The following TTBK1 variants were observed in gnomAD, a reference collection of about 807,000 sequenced individuals.
TTBK1 encodes the protein tau tubulin kinase 1.
TTBK1 carries 34 observed loss-of-function variants against 108.5 expected under a neutral mutation model. The ratio of observed to expected loss-of-function variants is 0.31; its 90% CI spans 0.24 to 0.42. TTBK1 has a LOEUF of 0.42. Among genes scored for constraint, TTBK1 ranks in the 10% least tolerant of loss-of-function variants. The pLI, the probability that TTBK1 is intolerant of heterozygous loss-of-function variation, is 1.00. For synonymous variants in TTBK1, 809 were observed against 795.1 expected (o/e 1.02, Z -0.29); for missense variants, 1,539 against 1,826.0 (o/e 0.84, Z 2.86).
In TTBK1 at chr6:43,269,369, A is replaced by G. The variant is rs1777762831; in HGVS notation, c.1986+6019A>G. Among the ~76,000 whole-genome samples the G allele has an allele frequency of 6.6e-6, 1 of 152,204 alleles. No individual in the cohort carries two copies. The highest frequency in any genetic ancestry group is 1.5e-5 in the Non-Finnish European group (1 of 68,036). On this transcript the variant is annotated intron_variant, in intron 13 of 14. Coordinates refer to ENST00000259750, the MANE Select transcript of TTBK1 (RefSeq NM_032538.3). This position sits in a 1 kb window ranked among gnomAD's most constrained non-coding sequence, Gnocchi z 4.8. ...GGACTAAGCCAGGAAGGCTTCTCGG[A>G]GGAGGTGAGTGACCATGGTCTCCTT...
At position 43,269,850 on chromosome 6, in the gene TTBK1, G is replaced by A. The variant is rs1463314680; in HGVS notation, c.1986+6500G>A. ...TGTGCGGGCGCCCCACCGGCGCCAC[G>A]CGCCCCTCGCTGCTGGCAACCACAG... On this transcript the variant is annotated intron_variant, in intron 13 of 14. Transcript: ENST00000259750. This position sits in a 1 kb window ranked among gnomAD's most constrained non-coding sequence, Gnocchi z 4.8. 6.5e-7 allele frequency: 1 copy of A among 1,534,020 alleles called. No individual in the cohort carries two copies. The highest frequency in any genetic ancestry group is 8.7e-7 in the Non-Finnish European group (1 of 1,145,580).
At chr6:43,246,861 A>G (rs1352569203) in intron 2 of TTBK1, 93 bp downstream of exon 2, 1 of 958,314 alleles carries the variant, frequency 1.0e-6, no homozygotes, top group Non-Finnish European at 1.6e-6. Flanking sequence ...CCGCTCCCCT[A>G]CCCTAAGAGG....
chr6:43,252,115 C>A (rs966112303), intron 2 of TTBK1, among the ~76,000 whole-genome samples: 2 of 151,968 alleles, frequency 1.3e-5, no homozygotes, highest in Non-Finnish European at 2.9e-5. Context: ...TCCTCAGAAT[C>A]CTACATTAGG....
intron 13 of TTBK1, among the ~76,000 whole-genome samples, chr6:43,274,862 C>G (rs551746255): frequency 5.3e-5 from 8 of 152,250 alleles, no homozygotes; most frequent in Non-Finnish European, 8.8e-5. Flanking sequence ...TGAGTGCCCG[C>G]TTCCTCCAAA....
In TTBK1 at chr6:43,252,901, C is replaced by A; in HGVS notation, c.256+15C>A. ...GAAGTTGCAAGGTTCGGGCCTCGGG[C>A]AGGGGGATGGGAAGGAAGAGATGAT... On this transcript the variant is annotated intron_variant, in intron 3 of 14. Transcript: ENST00000259750. The A allele has an allele frequency of 1.2e-6, 2 of 1,612,050 alleles. No homozygotes were observed. Among genetic ancestry groups the A allele is most frequent in the South Asian group, 2.2e-5 (2 of 91,026 alleles).
In TTBK1 at chr6:43,257,451, GGGCAGTCTGTGC is replaced by G. The variant is rs1777411321; in HGVS notation, c.862-360_862-349del. 2.6e-5 allele frequency among the ~76,000 whole-genome samples: 4 copies of G among 152,094 alleles called. No homozygotes were observed. In the South Asian group the frequency reaches 8.3e-4, roughly 32 times the overall value. On this transcript the variant is annotated intron_variant, in intron 9 of 14. Transcript: ENST00000259750. The surrounding 1 kb of genome is among the most constrained non-coding windows in gnomAD (Gnocchi z 4.5). ...GAGTGGGAGGGGCGCCCCAGCAGAG[GGGCAGTCTGTGC>G]AGAGGCAGCACCCCATGCATGGGTT...
chr6:43,271,827 A>G (rs1777842304), intron 13 of TTBK1: 4 of 984,742 alleles, frequency 4.1e-6, no homozygotes, highest in Middle Eastern at 5.2e-4. Flanking sequence ...CACCTTCTCC[A>G]TCTGGCAACA....
rs200645665 is a variant in TTBK1 at position 43,282,782 on chromosome 6, T to C, written c.2042T>C (p.Leu681Pro). 9.3e-6 allele frequency: 15 copies of C among 1,613,714 alleles called. No individual in the cohort carries two copies. Among genetic ancestry groups the C allele is most frequent in the Admixed American group, 1.7e-5 (1 of 59,934 alleles). The change falls in exon 14 of 15, where the codon CTG becomes CCG. Residue 681 changes from leucine to proline, a missense_variant. Leu to Pro is a moderately conservative substitution (Grantham distance 98). Around this residue, in one of 5 missense-constraint regions of TTBK1, gnomAD observed 1,055 missense variants for 1,086.5 expected, o/e 0.97. Transcript: ENST00000259750. The surrounding 1 kb of genome is among the most constrained non-coding windows in gnomAD (Gnocchi z 5.4). ...EVNGLPRAVP[L>P]SLPYQDFKRD... is the part of the protein sequence containing the mutation. Reference sequence around the variant, plus strand: ...AATGGCCTCCCACGAGCTGTGCCTCTGAGTCTGCCCTACCAGGACTTCAAA... The same window carrying C: ...AATGGCCTCCCACGAGCTGTGCCTCCGAGTCTGCCCTACCAGGACTTCAAA...
Position 43,259,403 on chromosome 6 carries a change from G to C in TTBK1, c.1249-128G>C. The C allele has an allele frequency of 7.7e-7, 1 of 1,296,254 alleles. No individual in the cohort carries two copies. Among genetic ancestry groups the C allele is most frequent in the Non-Finnish European group, 1.0e-6 (1 of 953,002 alleles). The allele number at this position is 1,296,254 out of a possible 1,614,324, so 80.3% of individuals were successfully genotyped here. On this transcript the variant is annotated intron_variant, in intron 11 of 14. Transcript: ENST00000259750. This position sits in a 1 kb window ranked among gnomAD's most constrained non-coding sequence, Gnocchi z 6.7. ...CCTGCTTGCCCTGCCTCTGTTTCCC[G>C]GTCCCTCCCCGCACTAGCCTCGCTG...
rs1446385625 is a variant in TTBK1 at position 43,273,385 on chromosome 6, G to A, written c.1987-9342G>A. On this transcript the variant is annotated intron_variant, in intron 13 of 14. Coordinates refer to ENST00000259750, the MANE Select transcript of TTBK1 (RefSeq NM_032538.3). The surrounding 1 kb of genome is among the most constrained non-coding windows in gnomAD (Gnocchi z 4.2). ...CAGATGGGAGTCACTCCAGAGTACT[G>A]GGGTTGGTTAAAATGGCTGGACCCT... Among the ~76,000 whole-genome samples, 2 of 152,168 alleles carry A rather than the reference G, an allele frequency of 1.3e-5. No homozygotes were observed. The highest frequency in any genetic ancestry group is 4.1e-4 in the South Asian group (2 of 4,828).
rs1043482359 is a variant in TTBK1 at position 43,285,277 on chromosome 6, C to T, written c.3867C>T (p.Pro1289=). 6.2e-6 allele frequency: 8 copies of T among 1,292,448 alleles called. No individual in the cohort carries two copies. Among genetic ancestry groups the T allele is most frequent in the Middle Eastern group, 2.0e-4 (1 of 4,920 alleles). 80.1% of individuals were successfully genotyped at this position (1,292,448 alleles called of 1,614,324 possible). A position where few individuals can be genotyped will look rare whatever the true frequency, so the allele number is the denominator to read the frequency against. Residue 1289 remains proline (P), a synonymous_variant, in exon 15 of 15, where the codon CCC becomes CCT. Coordinates refer to ENST00000259750, the MANE Select transcript of TTBK1 (RefSeq NM_032538.3). This position sits in a 1 kb window ranked among gnomAD's most constrained non-coding sequence, Gnocchi z 4.7. Reference sequence around the variant, plus strand: ...CCCAGCCTGATGGCACCCCCTCCCCCGGGGGCTCCAAGAAAGGACCCAGAG... The same window carrying T: ...CCCAGCCTGATGGCACCCCCTCCCCTGGGGGCTCCAAGAAAGGACCCAGAG... ...ARAQPDGTPS[P]GGSKKGPRGK... is the part of the protein sequence containing the mutation.
At chr6:43,246,143 G>T (rs565164271) in intron 1 of TTBK1, among the ~76,000 whole-genome samples, 2 of 152,292 alleles carry the variant, frequency 1.3e-5, no homozygotes, top group East Asian at 3.9e-4. Flanking sequence ...TTTGGTGTGG[G>T]TGTCCCATGG....
In TTBK1 at chr6:43,285,044, C is replaced by T. The variant is rs1223613620; in HGVS notation, c.3634C>T (p.Pro1212Ser). The change falls in exon 15 of 15, where the codon CCT becomes TCT. Residue 1212 changes from proline (P) to serine (S), a missense_variant. By Grantham distance (74) the Pro-to-Ser change is moderately conservative. This residue lies in a region of TTBK1 where 1,055 missense variants were observed against 1,086.5 expected (regional missense o/e 0.97). Coordinates refer to ENST00000259750, the MANE Select transcript of TTBK1 (RefSeq NM_032538.3). This position sits in a 1 kb window ranked among gnomAD's most constrained non-coding sequence, Gnocchi z 4.7. The part of the protein sequence containing the change: ...TAADLRPKQP[P>S]GRGLGPGRAQ... ...TGCTGACCTCCGCCCCAAACAACCT[C>T]CTGGCCGCGGCCTGGGCCCAGGGCG... The T allele has an allele frequency of 1.3e-6, 2 of 1,512,584 alleles. No homozygotes were observed. The highest frequency in any genetic ancestry group is 1.8e-6 in the Non-Finnish European group (2 of 1,136,950). 93.7% of individuals were successfully genotyped at this position (1,512,584 alleles called of 1,614,324 possible). A position where few individuals can be genotyped will look rare whatever the true frequency, so the allele number is the denominator to read the frequency against.
chr6:43,270,714 G>A, intron 13 of TTBK1: 1 of 985,400 alleles, frequency 1.0e-6, no homozygotes, highest in Non-Finnish European at 1.2e-6. Context: ...CAGGAACTGA[G>A]GATGGATGAG....
At position 43,284,075 on chromosome 6, in the gene TTBK1, C is replaced by T. The variant is rs1307650767; in HGVS notation, c.3335C>T (p.Ser1112Phe). Residue 1112 changes from serine (S) to phenylalanine (F), a missense_variant, in exon 14 of 15, where the codon TCC (serine) becomes TTC (phenylalanine). By Grantham distance (155) the Ser-to-Phe change is radical. Coordinates refer to ENST00000259750, the MANE Select transcript of TTBK1 (RefSeq NM_032538.3). Reference protein sequence around the residue: ...LLRLASGASSSSSEEQRRASE... With the variant: ...LLRLASGASSFSSEEQRRASE... ...CGGCTGGCCTCAGGGGCCTCGTCCT[C>T]CTCCAGTGAGGAGCAGCGCCGTGCC... is the stretch of plus-strand genomic sequence containing the variant. The T allele has an allele frequency of 7.8e-6, 12 of 1,540,392 alleles. No individual in the cohort carries two copies. The highest frequency in any genetic ancestry group is 1.4e-5 in the African/African-American group (1 of 73,000).
chr6:43,272,843 G>A (rs566931853), intron 13 of TTBK1, among the ~76,000 whole-genome samples: 1 of 152,278 alleles, frequency 6.6e-6, no homozygotes, highest in African/African-American at 2.4e-5. Flanking sequence ...CCCAAGAGAA[G>A]GCCAGAATGT....
chr6:43,280,082 T>C (rs996232942), intron 13 of TTBK1, among the ~76,000 whole-genome samples: 1 of 138,960 alleles, frequency 7.2e-6, no homozygotes, highest in Non-Finnish European at 1.7e-5. Context: ...CAAACAGGGT[T>C]GCTGGGGTCC....
Position 43,259,400 on chromosome 6 carries a change from C to A in TTBK1, c.1248+131C>A. The A allele has an allele frequency of 7.8e-7, 1 of 1,289,038 alleles. No individual in the cohort carries two copies. The highest frequency in any genetic ancestry group is 1.5e-5 in the South Asian group (1 of 66,154). The allele number at this position is 1,289,038 out of a possible 1,614,324, so 79.9% of individuals were successfully genotyped here. A position where few individuals can be genotyped will look rare whatever the true frequency, so the allele number is the denominator to read the frequency against. On this transcript the variant is annotated intron_variant, in intron 11 of 14. Transcript: ENST00000259750. This position sits in a 1 kb window ranked among gnomAD's most constrained non-coding sequence, Gnocchi z 6.7. The stretch of plus-strand genomic sequence containing the variant: ...CTGCCTGCTTGCCCTGCCTCTGTTT[C>A]CCGGTCCCTCCCCGCACTAGCCTCG...
rs1777419599 is a variant in TTBK1, at chr6:43,257,851, G to A, written c.901G>A (p.Gly301Ser). The change falls in exon 10 of 15, where the codon GGC becomes AGC. Residue 301 changes from glycine to serine, a missense_variant. Physicochemically the swap from Gly to Ser is moderately conservative, Grantham distance 56. Transcript: ENST00000259750. This position sits in a 1 kb window ranked among gnomAD's most constrained non-coding sequence, Gnocchi z 4.5. ...GTTTGAGAACAGCATGAAGGAGAGG[G>A]GCATTGCCGAGAATGAGGCCTTTGA... ...SVFENSMKER[G>S]IAENEAFDWE... The A allele has an allele frequency of 6.2e-7, 1 of 1,613,888 alleles. No individual in the cohort carries two copies. Among genetic ancestry groups the A allele is most frequent in the East Asian group, 2.2e-5 (1 of 44,846 alleles).
Sources: gnomAD v4.1 joint callset for allele counts (sites outside exome capture counted in the v4.1 genomes callset) on GRCh38, gnomAD v4.1.1 for gene constraint, gnomAD v4.1.1 regional missense constraint, Gnocchi (gnomAD v3.1) non-coding constraint, MANE v1.5 for transcripts, NCBI Gene and HGNC (gene_info 2026-07-23, HGNC 2026-07-21) for gene names.